The following POM121C variants were observed in gnomAD, a reference collection of about 807,000 sequenced individuals.
The protein encoded by POM121C is POM121 transmembrane nucleoporin C, also known as nuclear envelope pore membrane protein POM 121C.
POM121C carries 20 observed loss-of-function variants against 66.4 expected under a neutral mutation model. That is an observed-to-expected ratio of 0.30 (90% confidence interval 0.21 to 0.44). POM121C has a LOEUF of 0.44. Among genes scored for constraint, POM121C ranks in the 20% least tolerant of loss-of-function variants. POM121C has a pLI of 1.00. For synonymous variants in POM121C, 286 were observed against 528.0 expected (o/e 0.54, Z 6.28); for missense variants, 580 against 1,225.7 (o/e 0.47, Z 7.87).
Position 75,453,847 on chromosome 7 carries a change from G to A in POM121C, c.-151-12200C>T, listed in dbSNP as rs1256623054. Among the ~76,000 whole-genome samples, 3 of 152,124 alleles carry A rather than the reference G, an allele frequency of 2.0e-5. No individual in the cohort carries two copies. The East Asian group carries it at 5.8e-4, about 30-fold the overall frequency. On this transcript the variant is annotated intron_variant, in intron 3 of 14. Transcript: ENST00000615331. ...AGAGGCATCTTCATTCACAAAACCA[G>A]GAGCTGATACTGGCTGTCAGCCAGG...
chr7:75,431,074 C>CCA (rs1554472281), intron 7 of POM121C, among the ~76,000 whole-genome samples: 1 of 59,716 alleles, frequency 1.7e-5, no homozygotes, highest in African/African-American at 6.6e-5. Context: ...GACTCTGTCT[C>CCA]AAAAAAAAAA....
At chr7:75,448,559 T>C (rs1157056828) in intron 3 of POM121C, among the ~76,000 whole-genome samples, 2 of 140,520 alleles carry the variant, frequency 1.4e-5, no homozygotes, top group African/African-American at 5.4e-5. Flanking sequence ...CCCAGCACTT[T>C]GGGAGGCCGA....
At chr7:75,440,640 A>C (rs1790608743) in intron 5 of POM121C, 1 of 408,956 alleles carries the variant, frequency 2.4e-6, no homozygotes, top group African/African-American at 2.0e-5. Context: ...TCCGACCGGA[A>C]GACTTAGAGC....
Position 75,419,245 on chromosome 7 carries a change from G to A in POM121C, c.2866+75C>T, listed in dbSNP as rs587618948. On this transcript the variant is annotated intron_variant, in intron 14 of 14. Transcript: ENST00000615331. ...AACCTGATCTTCACGGGGCCTCAGA[G>A]GGCCAGGAGCCTGCCACCCCACCCA... 4.0e-6 allele frequency: 6 copies of A among 1,516,210 alleles called. No individual in the cohort carries two copies. In the African/African-American group the frequency reaches 7.0e-5, roughly 18 times the overall value. 93.9% of individuals were successfully genotyped at this position (1,516,210 alleles called of 1,614,324 possible). A position where few individuals can be genotyped will look rare whatever the true frequency, so the allele number is the denominator to read the frequency against.
intron 1 of POM121C, among the ~76,000 whole-genome samples, chr7:75,483,012 G>A (rs1163360225): frequency 6.6e-6 from 1 of 152,170 alleles, no homozygotes; most frequent in Non-Finnish European, 1.5e-5. Flanking sequence ...TGTTTGTATT[G>A]TTTGCTGTGC....
intron 3 of POM121C, among the ~76,000 whole-genome samples, chr7:75,473,878 C>T (rs868919704): frequency 3.6e-4 from 54 of 151,874 alleles, no homozygotes; most frequent in Middle Eastern, 3.4e-3. Flanking sequence ...TTAGTAGAGA[C>T]GGGGTTTCAC....
At chr7:75,438,659 T>A (rs1216376717) in intron 6 of POM121C, among the ~76,000 whole-genome samples, 1 of 152,182 alleles carries the variant, frequency 6.6e-6, no homozygotes, top group African/African-American at 2.4e-5. Context: ...TAGTCTTTCT[T>A]CTAACAGCAC....
At chr7:75,431,330 G>A (rs141344149) in intron 7 of POM121C, among the ~76,000 whole-genome samples, 2,056 of 152,194 alleles carry the variant, frequency 0.014, 12 homozygotes, top group Middle Eastern at 0.024. Context: ...CGGGCTGGGT[G>A]CAGTGGCTCA....
rs376291968 is a variant in POM121C at position 75,439,182 on chromosome 7, G to A, written c.270C>T (p.Pro90=). The change falls in exon 6 of 15, where the codon CCC becomes CCT. Residue 90 remains proline, a synonymous_variant. Coordinates refer to ENST00000615331, the MANE Select transcript of POM121C (RefSeq NM_001099415.3). ...AAGCGGGGACTCCACTGGCCACCAG[G>A]GGCTCAAATGCTGAATGTCCACTGC... ...SSGSGHSAFE[P]LVASGVPASF... 1 of 1,614,218 alleles carries A rather than the reference G, an allele frequency of 6.2e-7. No individual in the cohort carries two copies. The highest frequency in any genetic ancestry group is 8.5e-7 in the Non-Finnish European group (1 of 1,180,042).
In POM121C at chr7:75,437,543, G is replaced by C. The variant is rs1554473170; in HGVS notation, c.452C>G (p.Ser151Cys). The change falls in exon 7 of 15, where the codon TCC (serine) becomes TGC (cysteine). Residue 151 changes from serine (S) to cysteine (C), a missense_variant. Coordinates refer to ENST00000615331, the MANE Select transcript of POM121C (RefSeq NM_001099415.3). ...TGAGATGCCTCGAGTGGAGCTGTAGGAACTGGTAATGGCATTGCGGCTGGA... is the reference window on the plus strand; with the variant it reads ...TGAGATGCCTCGAGTGGAGCTGTAGCAACTGGTAATGGCATTGCGGCTGGA... Reference protein sequence around the residue: ...PSSSRNAITSSYSSTRGISQL... With the variant: ...PSSSRNAITSCYSSTRGISQL... 6.2e-7 allele frequency: 1 copy of C among 1,613,856 alleles called. No individual in the cohort carries two copies. Among genetic ancestry groups the C allele is most frequent in the Non-Finnish European group, 8.5e-7 (1 of 1,179,808 alleles).
chr7:75,473,493 G>C (rs1455554781), intron 3 of POM121C, among the ~76,000 whole-genome samples: 2 of 152,156 alleles, frequency 1.3e-5, no homozygotes, highest in African/African-American at 4.8e-5. Flanking sequence ...ATTGGGGAAA[G>C]AGGGGAAAGC....
intron 9 of POM121C, 125 bp downstream of exon 9, chr7:75,425,510 T>C: frequency 5.9e-6 from 6 of 1,013,002 alleles, no homozygotes; most frequent in Non-Finnish European, 8.6e-6. Flanking sequence ...ATCTCTCTCT[T>C]TGTATCTAAC....
At position 75,471,007 on chromosome 7, in the gene POM121C, C is replaced by T. The variant is rs370330517; in HGVS notation, c.-152+3697G>A. On this transcript the variant is annotated intron_variant, in intron 3 of 14. Coordinates refer to ENST00000615331, the MANE Select transcript of POM121C (RefSeq NM_001099415.3). ...GCACAATCTGAAAAAGGAATAAAAC[C>T]CAAAGATTGACAACGGGCTAGAAAA... Among the ~76,000 whole-genome samples the T allele has an allele frequency of 6.4e-3, 977 of 151,538 alleles. 7 individuals carry two copies. Among genetic ancestry groups the T allele is most frequent in the African/African-American group, 0.022 (915 of 41,088 alleles).
intron 3 of POM121C, among the ~76,000 whole-genome samples, chr7:75,443,716 A>G (rs1455046036): frequency 1.3e-5 from 1 of 78,064 alleles, no homozygotes; most frequent in Non-Finnish European, 2.6e-5. Flanking sequence ...AGGCGGGCGG[A>G]TCACCTGAGG....
At chr7:75,435,870 T>C (rs1401470733) in intron 7 of POM121C, among the ~76,000 whole-genome samples, 1 of 152,194 alleles carries the variant, frequency 6.6e-6, no homozygotes, top group Non-Finnish European at 1.5e-5. Flanking sequence ...GCCAACATGT[T>C]GAAACCTTGT....
At chr7:75,468,313 CT>C (rs59483137) in intron 3 of POM121C, among the ~76,000 whole-genome samples, 123 of 89,746 alleles carry the variant, frequency 1.4e-3, no homozygotes, top group Middle Eastern at 7.8e-3. Flanking sequence ...AAGACTCCAG[CT>C]TTTTTTTTTT....
chr7:75,447,007 C>CAAAAAAAA (rs60389539), intron 3 of POM121C, among the ~76,000 whole-genome samples: 2 of 53,514 alleles, frequency 3.7e-5, no homozygotes, highest in Non-Finnish European at 6.2e-5. Flanking sequence ...GACTCCGTCT[C>CAAAAAAAA]AAAAAAAAAA....
intron 3 of POM121C, chr7:75,442,632 C>G (rs1419497323): frequency 3.3e-5 from 49 of 1,487,962 alleles, no homozygotes; most frequent in Non-Finnish European, 4.1e-5. Context: ...CCGGCCGGCC[C>G]GCCGCAGCCC....
intron 7 of POM121C, among the ~76,000 whole-genome samples, chr7:75,436,609 C>CTTTA (rs782600318): frequency 6.6e-6 from 1 of 152,124 alleles, no homozygotes; most frequent in Non-Finnish European, 1.5e-5. Flanking sequence ...TCCTTACATG[C>CTTTA]TTTACATCTT....
Sources: allele counts gnomAD v4.1 joint callset (sites outside exome capture counted in the v4.1 genomes callset), GRCh38; gene constraint gnomAD v4.1.1; transcripts MANE v1.5; gene names NCBI Gene and HGNC (gene_info 2026-07-23, HGNC 2026-07-21).